Variants in EPHA6 observed in about 807,000 individuals in gnomAD.
The protein encoded by EPHA6 is EPH receptor A6.
In EPHA6, 50 loss-of-function variants were observed where a neutral mutation model predicts 112.0. That is an observed-to-expected ratio of 0.45 (90% CI 0.36 to 0.56). The LOEUF is 0.56. Among genes scored for constraint, EPHA6 ranks in the 20% least tolerant of loss-of-function variants. The probability of loss-of-function intolerance (pLI) is 0.00; values close to 1 mark genes in which losing one functional copy is unlikely to be tolerated. For missense variants in EPHA6, 1,280 were observed against 1,417.4 expected (o/e 0.90, Z 1.56); for synonymous variants, 529 against 490.7 (o/e 1.08, Z -1.03).
chr3:97,385,942 T>C (rs567057043), intron 5 of EPHA6, among the ~76,000 whole-genome samples: 2 of 152,230 alleles, frequency 1.3e-5, no homozygotes, highest in African/African-American at 4.8e-5. Context: ...ACCAGGCCCC[T>C]TCACCAACAT....
At chr3:97,633,512 T>G (rs1299204720) in intron 13 of EPHA6, among the ~76,000 whole-genome samples, 1 of 152,062 alleles carries the variant, frequency 6.6e-6, no homozygotes, top group Non-Finnish European at 1.5e-5. Context: ...CATAAACAAT[T>G]CGATTCAATT....
At chr3:97,433,360 C>T (rs953984709) in intron 6 of EPHA6, among the ~76,000 whole-genome samples, 1 of 152,038 alleles carries the variant, frequency 6.6e-6, no homozygotes, top group African/African-American at 2.4e-5. Flanking sequence ...AAAATATAAT[C>T]TTTTTAAACC....
chr3:97,007,313 A>G (rs904725871), intron 3 of EPHA6, among the ~76,000 whole-genome samples: 1 of 152,170 alleles, frequency 6.6e-6, no homozygotes, highest in South Asian at 2.1e-4. Flanking sequence ...TATATTCAGA[A>G]TAGTTAGCTC....
At chr3:97,392,804 TA>T (rs1242073184) in intron 5 of EPHA6, among the ~76,000 whole-genome samples, 6 of 151,802 alleles carry the variant, frequency 4.0e-5, no homozygotes, top group Admixed American at 2.6e-4. Context: ...TTTTTACCTT[TA>T]AAATAGCTTT....
At chr3:97,546,641 A>G (rs2092954254) in intron 11 of EPHA6, among the ~76,000 whole-genome samples, 3 of 152,166 alleles carry the variant, frequency 2.0e-5, no homozygotes, top group South Asian at 4.1e-4. Flanking sequence ...GTTCTCCTGG[A>G]TAATATCCTG....
chr3:97,392,922 C>T (rs926268460), intron 5 of EPHA6, among the ~76,000 whole-genome samples: 2 of 151,430 alleles, frequency 1.3e-5, no homozygotes, highest in African/African-American at 4.8e-5. Context: ...TTCAAATATA[C>T]CTAGGATATT....
chr3:97,314,360 C>T (rs1263724112), intron 5 of EPHA6, among the ~76,000 whole-genome samples: 1 of 151,404 alleles, frequency 6.6e-6, no homozygotes, highest in African/African-American at 2.4e-5. Flanking sequence ...TCTTCTGGAT[C>T]CATATGAGTT....
chr3:97,667,957 T>A (rs894500648), intron 14 of EPHA6, among the ~76,000 whole-genome samples: 12 of 152,224 alleles, frequency 7.9e-5, no homozygotes, highest in African/African-American at 2.9e-4. Context: ...GAGAGAGCGC[T>A]AAATAAACTA....
At chr3:97,254,173 T>C (rs1020522204) in intron 5 of EPHA6, among the ~76,000 whole-genome samples, 2 of 151,918 alleles carry the variant, frequency 1.3e-5, no homozygotes, top group African/African-American at 2.4e-5. Context: ...TATATATATA[T>C]ATGTTTTTCC....
At chr3:97,698,389 A>G (rs2033171556) in intron 14 of EPHA6, among the ~76,000 whole-genome samples, 1 of 152,204 alleles carries the variant, frequency 6.6e-6, no homozygotes, top group East Asian at 1.9e-4. Flanking sequence ...ACTGCTTCAC[A>G]ATCTATTTCT....
intron 3 of EPHA6, among the ~76,000 whole-genome samples, chr3:97,079,194 A>T (rs1054301292): frequency 1.3e-5 from 2 of 152,136 alleles, no homozygotes; most frequent in African/African-American, 4.8e-5. Context: ...AAAGACATGG[A>T]ATCAACCTAA....
chr3:97,612,279 C>G (rs1030824686), intron 13 of EPHA6: 1 of 294,022 alleles, frequency 3.4e-6, no homozygotes, highest in Non-Finnish European at 6.9e-6. Flanking sequence ...TCTTCAAAAA[C>G]TCATTCTTAT....
intron 5 of EPHA6, among the ~76,000 whole-genome samples, chr3:97,373,260 A>G (rs1175040267): frequency 6.6e-6 from 1 of 152,144 alleles, no homozygotes. Context: ...ATTTTGGATG[A>G]GATACAGTTT....
At chr3:97,139,486 C>G (rs2075844230) in intron 3 of EPHA6, among the ~76,000 whole-genome samples, 1 of 152,036 alleles carries the variant, frequency 6.6e-6, no homozygotes, top group Non-Finnish European at 1.5e-5. Flanking sequence ...ATCTCTTTAG[C>G]AGAAAATGAG....
chr3:97,095,766 T>TAAA (rs59473424), intron 3 of EPHA6, among the ~76,000 whole-genome samples: 1 of 143,404 alleles, frequency 7.0e-6, no homozygotes, highest in African/African-American at 2.5e-5. Flanking sequence ...TGTTAAAAAA[T>TAAA]AAAAAAAAAA....
intron 3 of EPHA6, among the ~76,000 whole-genome samples, chr3:97,123,700 G>T (rs138659809): frequency 6.6e-6 from 1 of 152,098 alleles, no homozygotes; most frequent in African/African-American, 2.4e-5. Flanking sequence ...AGAAACAATC[G>T]TACTGAAATC....
intron 11 of EPHA6, among the ~76,000 whole-genome samples, chr3:97,575,929 A>G (rs1201299001): frequency 3.3e-5 from 5 of 152,186 alleles, no homozygotes; most frequent in Non-Finnish European, 7.4e-5. Flanking sequence ...TTCACTACAT[A>G]GAAACCACAG....
chr3:97,428,069 A>G (rs1398251007), intron 6 of EPHA6, among the ~76,000 whole-genome samples: 2 of 152,120 alleles, frequency 1.3e-5, no homozygotes, highest in Non-Finnish European at 2.9e-5. Context: ...TTGGACAGAA[A>G]AAAATATATG....
At position 97,751,712 on chromosome 3, in the gene EPHA6, T is replaced by C. The variant is rs2035905738; in HGVS notation, c.*3011T>C. Among the ~76,000 whole-genome samples, 1 of 152,116 alleles carries C rather than the reference T, an allele frequency of 6.6e-6. No homozygotes were observed. The highest frequency in any genetic ancestry group is 1.5e-5 in the Non-Finnish European group (1 of 67,960). ...TAATATGCAAAGCATAAAACTTAAT[T>C]ATAAAAAGAAAATAAGTAACTTCCA... On this transcript the variant is annotated 3_prime_UTR_variant, in exon 18 of 18. Coordinates refer to ENST00000389672, the MANE Select transcript of EPHA6 (RefSeq NM_001080448.3).
Sources: gnomAD v4.1 joint callset for allele counts (sites outside exome capture counted in the v4.1 genomes callset) on GRCh38, gnomAD v4.1.1 for gene constraint, MANE v1.5 for transcripts, NCBI Gene and HGNC (gene_info 2026-07-23, HGNC 2026-07-21) for gene names.